Variants in ERCC8 observed in about 807,000 individuals in gnomAD.
ERCC8 encodes DNA excision repair protein ERCC-8.
ERCC8 carries 52 observed loss-of-function variants against 54.9 expected under a neutral mutation model. That is an observed-to-expected ratio of 0.95 (90% CI 0.76 to 1.19). The LOEUF is 1.19. ERCC8 is among the 50% of genes most tolerant of loss of function. The probability of loss-of-function intolerance (pLI) is 0.00; values close to 1 mark genes in which losing one functional copy is unlikely to be tolerated. For missense variants in ERCC8, 514 were observed against 466.1 expected, an observed-to-expected ratio of 1.10 and a Z score of -0.95; for synonymous variants, 146 against 157.2, an observed-to-expected ratio of 0.93 and a Z score of 0.53.
chr5:60,943,175 A>T (rs1254181613), intron 1 of ERCC8, among the ~76,000 whole-genome samples: 1 of 151,958 alleles, frequency 6.6e-6, no homozygotes, highest in Non-Finnish European at 1.5e-5. Flanking sequence ...GGAGGATGAG[A>T]TGGGAGGATC....
At chr5:60,937,356 T>C (rs542324545) in intron 1 of ERCC8, among the ~76,000 whole-genome samples, 130 of 152,238 alleles carry the variant, frequency 8.5e-4, no homozygotes, top group African/African-American at 3.0e-3. Flanking sequence ...CCGATAGAGC[T>C]CCCAGGAGAT....
chr5:60,895,847 C>T (rs1748708537), intron 9 of ERCC8, among the ~76,000 whole-genome samples: 1 of 152,182 alleles, frequency 6.6e-6, no homozygotes, highest in South Asian at 2.1e-4. Flanking sequence ...TTCCAGTATA[C>T]CACATTCCTT....
chr5:60,908,943 G>A (rs1749162518), intron 4 of ERCC8, among the ~76,000 whole-genome samples: 1 of 151,994 alleles, frequency 6.6e-6, no homozygotes, highest in Admixed American at 6.6e-5. Context: ...TTAACAGAAA[G>A]GCGTATCTAT....
chr5:60,895,873 G>T (rs763918354), intron 9 of ERCC8, among the ~76,000 whole-genome samples: 1 of 152,192 alleles, frequency 6.6e-6, no homozygotes, highest in Non-Finnish European at 1.5e-5. Flanking sequence ...ATATGAACTG[G>T]AAAGTGTTGA....
intron 11 of ERCC8, among the ~76,000 whole-genome samples, chr5:60,878,831 A>G (rs1219068447): frequency 6.6e-6 from 1 of 152,104 alleles, no homozygotes; most frequent in Non-Finnish European, 1.5e-5. Flanking sequence ...TCCTGGATTC[A>G]CTGATTTTTT....
rs552475362 is a variant in ERCC8 at position 60,867,009 on chromosome 5, T to G, written c.*7606A>C. ...ACAAGTGCCCGCCTAATTTTTTTTTTGTATTTTTAGTAAAGACGGGGTTTC... is the reference window on the plus strand; with the variant it reads ...ACAAGTGCCCGCCTAATTTTTTTTTGGTATTTTTAGTAAAGACGGGGTTTC... On this transcript the variant is annotated 3_prime_UTR_variant, in exon 12 of 12. Coordinates refer to ENST00000676185, the MANE Select transcript of ERCC8 (RefSeq NM_000082.4). 1 of 152,054 alleles carries G rather than the reference T, an allele frequency of 6.6e-6. No homozygotes were observed. The highest frequency in any genetic ancestry group is 2.1e-4 in the South Asian group (1 of 4,808). The allele number at this position is 152,054 out of a possible 1,614,324, so 9.4% of individuals were successfully genotyped here. A position where few individuals can be genotyped will look rare whatever the true frequency, so the allele number is the denominator to read the frequency against.
At position 60,928,977 on chromosome 5, in the gene ERCC8, G is replaced by A. The variant is rs773463658; in HGVS notation, c.78-18C>T. 1.4e-6 allele frequency: 2 copies of A among 1,402,324 alleles called. No individual in the cohort carries two copies. The highest frequency in any genetic ancestry group is 2.0e-6 in the Non-Finnish European group (2 of 990,584). The allele number at this position is 1,402,324 out of a possible 1,614,324, so 86.9% of individuals were successfully genotyped here. A position where few individuals can be genotyped will look rare whatever the true frequency, so the allele number is the denominator to read the frequency against. On this transcript the variant is annotated intron_variant, in intron 1 of 11. Transcript: ENST00000676185. ...CCAAAACTCTTAAAAATAAAAGGGG[G>A]AGAAAGAAATTAACAAGTAATTTAA...
rs1747789415 is a variant in ERCC8 at position 60,868,042 on chromosome 5, TGGTG to T, written c.*6569_*6572del. 6.6e-6 allele frequency among the ~76,000 whole-genome samples: 1 copy of T among 152,134 alleles called. No individual in the cohort carries two copies. The highest frequency in any genetic ancestry group is 2.1e-4 in the South Asian group (1 of 4,826). ...CTAAAAATACAAAATAAGCCAGGCA[TGGTG>T]GCGCATGCCTGTAATCCCAGCTACT... is the stretch of plus-strand genomic sequence containing the variant. On this transcript the variant is annotated 3_prime_UTR_variant, in exon 12 of 12. Coordinates refer to ENST00000676185, the MANE Select transcript of ERCC8 (RefSeq NM_000082.4).
intron 9 of ERCC8, 30 bp from the exon 10 acceptor site, chr5:60,891,116 T>A: frequency 1.4e-6 from 2 of 1,407,988 alleles, no homozygotes; most frequent in Non-Finnish European, 2.0e-6. Context: ...AGGTTACTCA[T>A]CTCTGAAATC....
intron 1 of ERCC8, among the ~76,000 whole-genome samples, chr5:60,938,089 TA>T (rs539436940): frequency 0.19 from 3,888 of 20,660 alleles, 335 homozygotes; most frequent in African/African-American, 0.33. Flanking sequence ...ATATATATTT[TA>T]TTTTTTTTTT....
intron 4 of ERCC8, among the ~76,000 whole-genome samples, chr5:60,909,242 T>TGAA (rs1174014854): frequency 0.013 from 299 of 23,560 alleles, 2 homozygotes; most frequent in Non-Finnish European, 0.016. Context: ...TGCCCTATTC[T>TGAA]GAAAAAAAAA....
Position 60,899,789 on chromosome 5 carries a change from C to T in ERCC8, c.618-62G>A, listed in dbSNP as rs1748822795. ...TAGGACAATGACTGTACCCCTCACC[C>T]ACCTTTCTAATTTTATGGCACACAG... is the stretch of plus-strand genomic sequence containing the variant. On this transcript the variant is annotated intron_variant, in intron 7 of 11. Transcript: ENST00000676185. The T allele has an allele frequency of 3.2e-5, 39 of 1,206,686 alleles. No individual in the cohort carries two copies. In the South Asian group the frequency reaches 4.7e-4, roughly 15 times the overall value. The allele number at this position is 1,206,686 out of a possible 1,614,324, so 74.7% of individuals were successfully genotyped here.
chr5:60,890,970 T>G lies in ERCC8; in HGVS notation c.960A>C (p.Thr320=). 6.2e-7 allele frequency: 1 copy of G among 1,613,324 alleles called. No individual in the cohort carries two copies. Among genetic ancestry groups the G allele is most frequent in the Non-Finnish European group, 8.5e-7 (1 of 1,179,402 alleles). Residue 320 remains threonine, a synonymous_variant, in exon 10 of 12, where the codon ACA becomes ACC. Coordinates refer to ENST00000676185, the MANE Select transcript of ERCC8 (RefSeq NM_000082.4). ...VPYGSTIAVY[T]VYSGEQITML... ...TAGTTATCTGTTCTCCTGAGTAAAC[T>G]GTATAAACAGCAATGGTGCTACCAT...
At chr5:60,903,495 T>C (rs1748959532) in intron 6 of ERCC8, 153 bp downstream of exon 6, 3 of 1,286,444 alleles carry the variant, frequency 2.3e-6, no homozygotes, top group East Asian at 2.6e-5. Flanking sequence ...ATAAGAATAA[T>C]GCACAGAAGG....
At chr5:60,893,270 A>G in intron 9 of ERCC8, 1 of 1,016,506 alleles carries the variant, frequency 9.8e-7, no homozygotes, top group Non-Finnish European at 1.6e-6. Flanking sequence ...CTGAGGAAAC[A>G]TATTTAATTC....
intron 11 of ERCC8, among the ~76,000 whole-genome samples, chr5:60,886,723 A>C (rs1383708195): frequency 6.6e-6 from 1 of 150,996 alleles, no homozygotes; most frequent in Non-Finnish European, 1.5e-5. Context: ...AATAAAAATA[A>C]AAATAAAAAT....
At chr5:60,918,810 T>C (rs984593170) in intron 3 of ERCC8, among the ~76,000 whole-genome samples, 2 of 152,080 alleles carry the variant, frequency 1.3e-5, no homozygotes, top group Admixed American at 6.6e-5. Context: ...CACACCTCCA[T>C]GGTATTCTAT....
Position 60,891,005 on chromosome 5 carries a change from A to G in ERCC8, c.925T>C (p.Phe309Leu). Residue 309 changes from phenylalanine to leucine, a missense_variant, in exon 10 of 12, where the codon TTT becomes CTT. Physicochemically the swap from Phe to Leu is conservative, Grantham distance 22. Coordinates refer to ENST00000676185, the MANE Select transcript of ERCC8 (RefSeq NM_000082.4). ...VSCGCSSEFV[F>L]VPYGSTIAVY... ...GCAATGGTGCTACCATATGGTACAA[A>G]AACAAATTCTGAACTGCAGCCACAG... 1 of 1,613,620 alleles carries G rather than the reference A, an allele frequency of 6.2e-7. No individual in the cohort carries two copies. Among genetic ancestry groups the G allele is most frequent in the Non-Finnish European group, 8.5e-7 (1 of 1,179,714 alleles).
chr5:60,903,433 G>A, intron 6 of ERCC8: 1 of 705,076 alleles, frequency 1.4e-6, no homozygotes, highest in Non-Finnish European at 2.2e-6. Context: ...TATTGTTTGA[G>A]CTTCCCCAAT....
Sources: allele counts gnomAD v4.1 joint callset (sites outside exome capture counted in the v4.1 genomes callset), GRCh38; gene constraint gnomAD v4.1.1; transcripts MANE v1.5; gene names NCBI Gene and HGNC (gene_info 2026-07-23, HGNC 2026-07-21).